FAM184A: variants seen among roughly 807,000 people sequenced by gnomAD.
FAM184A encodes protein FAM184A.
A neutral mutation model predicts 143.8 loss-of-function variants in FAM184A; 99 were observed. That is an observed-to-expected ratio of 0.69 (90% CI 0.58 to 0.81). The LOEUF is 0.81. Ranked by LOEUF, FAM184A falls within the 40% of genes least tolerant of loss-of-function variation. The pLI, the probability that FAM184A is intolerant of heterozygous loss-of-function variation, is 0.00. For synonymous variants in FAM184A, 427 were observed against 446.4 expected (o/e 0.96, Z 0.55); for missense variants, 1,217 against 1,310.5 (o/e 0.93, Z 1.10).
Position 118,994,685 on chromosome 6 carries a change from C to CAAAATAAATAAATAAA in FAM184A, c.2088+8213_2088+8214insTTTATTTATTTATTTT, listed in dbSNP as rs1216975902. ...TGGGCAACAGAGCGAGACTCCATCTCTAAATAAATAAATAAATAAATAAAT... is the reference window on the plus strand; with the variant it reads ...TGGGCAACAGAGCGAGACTCCATCTCAAAATAAATAAATAAATAAATAAATAAATAAATAAATAAAT... On this transcript the variant is annotated intron_variant, in intron 9 of 17. Coordinates refer to ENST00000338891, the MANE Select transcript of FAM184A (RefSeq NM_024581.6). Among the ~76,000 whole-genome samples, 3 of 137,606 alleles carry CAAAATAAATAAATAAA rather than the reference C, an allele frequency of 2.2e-5. 1 individual carries two copies. Among genetic ancestry groups the CAAAATAAATAAATAAA allele is most frequent in the African/African-American group, 8.2e-5 (3 of 36,638 alleles). 90.3% of individuals were successfully genotyped at this position (137,606 alleles called of 152,430 possible).
chr6:119,137,260 C>CTG (rs35354644), intron 1 of FAM184A, among the ~76,000 whole-genome samples: 4 of 151,662 alleles, frequency 2.6e-5, no homozygotes, highest in Non-Finnish European at 2.9e-5. Context: ...GGTCTTTCTT[C>CTG]TGTGTGTGTG....
chr6:119,005,263 C>T (rs956764971), intron 7 of FAM184A: 4 of 151,620 alleles, frequency 2.6e-5, no homozygotes, highest in East Asian at 1.9e-4. Context: ...ACACAGCCAC[C>T]GGAGAAAGGT....
chr6:119,063,055 ACAAAAAGGTGAAACC>A lies in FAM184A; in HGVS notation c.159+15071_159+15085del, dbSNP rs1465658019. ...CATTCAGATTTAAGATTAAACATCA[ACAAAAAGGTGAAACC>A]CAAAAAGGTGAAACCCCCCCACCAA... is the stretch of plus-strand genomic sequence containing the variant. On this transcript the variant is annotated intron_variant, in intron 1 of 17. Coordinates refer to ENST00000338891, the MANE Select transcript of FAM184A (RefSeq NM_024581.6). Among the ~76,000 whole-genome samples, 166 of 152,370 alleles carry A rather than the reference ACAAAAAGGTGAAACC, an allele frequency of 1.1e-3. 1 individual carries two copies. The highest frequency in any genetic ancestry group is 3.6e-3 in the African/African-American group (148 of 41,584).
chr6:119,113,456 CT>C (rs887825908), intron 1 of FAM184A, among the ~76,000 whole-genome samples: 2 of 151,150 alleles, frequency 1.3e-5, no homozygotes, highest in Non-Finnish European at 1.5e-5. Flanking sequence ...AGTTTTCTTC[CT>C]TTTTTTTCAA....
rs752589437 is a variant in FAM184A, at chr6:118,974,564, G to A, written c.2779C>T (p.Gln927Ter). The change falls in exon 14 of 18, where the codon CAA becomes TAA. Residue 927 changes from glutamine to a stop codon, truncating the protein, a stop_gained. Transcript: ENST00000338891. LOFTEE classifies it high-confidence loss of function. The part of the protein sequence containing the change: ...ESNQQIRLHE[Q>*]DLNKRLEKEL... ...TTTTCAAGTCTCTTGTTTAAATCTT[G>A]TTCATGCAACCTGTTTGATTTATTT... 6.3e-7 allele frequency: 1 copy of A among 1,597,464 alleles called. No homozygotes were observed. Among genetic ancestry groups the A allele is most frequent in the Admixed American group, 1.7e-5 (1 of 57,262 alleles).
At chr6:119,019,822 T>C (rs1157107195) in intron 4 of FAM184A, among the ~76,000 whole-genome samples, 156 bp downstream of exon 4, 1 of 152,252 alleles carries the variant, frequency 6.6e-6, no homozygotes, top group Non-Finnish European at 1.5e-5. Flanking sequence ...AGTCTAGCTA[T>C]ATACCCATTT....
intron 4 of FAM184A, 40 bp downstream of exon 4, chr6:119,019,938 G>C: frequency 6.9e-7 from 1 of 1,458,666 alleles, no homozygotes; most frequent in East Asian, 2.4e-5. Context: ...GAGAAAAACG[G>C]AACTCTTTCG....
chr6:119,088,893 T>A (rs566313605), intron 1 of FAM184A, among the ~76,000 whole-genome samples: 1 of 152,330 alleles, frequency 6.6e-6, no homozygotes, highest in Admixed American at 6.5e-5. Flanking sequence ...CAAGTTTCCA[T>A]GTATAATGAA....
intron 1 of FAM184A, among the ~76,000 whole-genome samples, chr6:119,110,819 C>T (rs931815591): frequency 2.0e-5 from 3 of 152,126 alleles, no homozygotes; most frequent in Non-Finnish European, 4.4e-5. Context: ...TGAACATAGG[C>T]GACCTGGGGA....
chr6:119,017,811 T>C (rs1401215562), intron 4 of FAM184A, among the ~76,000 whole-genome samples: 1 of 152,188 alleles, frequency 6.6e-6, no homozygotes, highest in Non-Finnish European at 1.5e-5. Context: ...GTAAATCCCA[T>C]ATGAATAGCT....
chr6:119,134,191 A>G (rs1487014376), intron 1 of FAM184A, among the ~76,000 whole-genome samples: 1 of 152,186 alleles, frequency 6.6e-6, no homozygotes, highest in Non-Finnish European at 1.5e-5. Context: ...GAATCAATAT[A>G]GAAAAGACAA....
intron 1 of FAM184A, among the ~76,000 whole-genome samples, chr6:119,044,913 A>C (rs951140825): frequency 6.6e-6 from 1 of 152,170 alleles, no homozygotes; most frequent in Non-Finnish European, 1.5e-5. Context: ...TTTCTTCCAA[A>C]ATTTATGGAG....
rs747856475 is a variant in FAM184A, at chr6:118,980,171, T to G, written c.2268A>C (p.Gln756His). The G allele has an allele frequency of 8.1e-6, 13 of 1,614,210 alleles. No homozygotes were observed. Among genetic ancestry groups the G allele is most frequent in the Non-Finnish European group, 1.1e-5 (13 of 1,180,008 alleles). Residue 756 changes from glutamine to histidine, a missense_variant, in exon 10 of 18, where the codon CAA (glutamine) becomes CAC (histidine). Coordinates refer to ENST00000338891, the MANE Select transcript of FAM184A (RefSeq NM_024581.6). The part of the protein sequence containing the change: ...SLKEAHVLAF[Q>H]TMEEEKEKEQ... ...CCTTTTCCTTTTCCTCTTCCATAGT[T>G]TGAAATGCAAGGACATGTGCTTCTT...
intron 1 of FAM184A, among the ~76,000 whole-genome samples, chr6:119,115,188 CTG>C (rs1206156438): frequency 6.6e-6 from 1 of 152,180 alleles, no homozygotes; most frequent in Non-Finnish European, 1.5e-5. Context: ...CACAAAGAAA[CTG>C]TTTATTCCAC....
chr6:118,970,968 A>C (rs1783679022), intron 14 of FAM184A, among the ~76,000 whole-genome samples: 1 of 152,220 alleles, frequency 6.6e-6, no homozygotes, highest in African/African-American at 2.4e-5. Flanking sequence ...AAAATCAGTG[A>C]ATTTTAGAAC....
chr6:119,035,189 T>C (rs1289448365), intron 1 of FAM184A, among the ~76,000 whole-genome samples: 2 of 152,114 alleles, frequency 1.3e-5, no homozygotes, highest in African/African-American at 4.8e-5. Context: ...AAACCAAAAA[T>C]AAAATTCCAA....
At position 119,024,571 on chromosome 6, in the gene FAM184A, G is replaced by A. The variant is rs1455203289; in HGVS notation, c.402C>T (p.His134=). ...QALTEFEAYK[H]RVEDMQLCAE... ...CACAAAGTTGCATGTCCTCAACTCT[G>A]TGCTTATAAGCTTCAAATTCTGTCA... The change falls in exon 2 of 18, where the codon CAC becomes CAT. Residue 134 remains histidine (H), a synonymous_variant. Coordinates refer to ENST00000338891, the MANE Select transcript of FAM184A (RefSeq NM_024581.6). 2 of 1,614,168 alleles carry A rather than the reference G, an allele frequency of 1.2e-6. No homozygotes were observed. Among genetic ancestry groups the A allele is most frequent in the South Asian group, 2.2e-5 (2 of 91,086 alleles).
At chr6:119,094,692 A>T (rs1399281771) in intron 1 of FAM184A, among the ~76,000 whole-genome samples, 11 of 152,152 alleles carry the variant, frequency 7.2e-5, no homozygotes, top group Non-Finnish European at 1.6e-4. Flanking sequence ...GAGTTCAGGT[A>T]ATTTATTTGC....
intron 5 of FAM184A, among the ~76,000 whole-genome samples, chr6:119,011,797 T>G (rs1199475505): frequency 6.6e-6 from 1 of 152,320 alleles, no homozygotes; most frequent in Admixed American, 6.5e-5. Flanking sequence ...CAGTGACACT[T>G]CTACAAATCA....
Sources: allele counts gnomAD v4.1 joint callset (sites outside exome capture counted in the v4.1 genomes callset), GRCh38; gene constraint gnomAD v4.1.1; transcripts MANE v1.5; gene names NCBI Gene and HGNC (gene_info 2026-07-23, HGNC 2026-07-21).